The following KMT2C variants were observed in gnomAD, a reference collection of about 807,000 sequenced individuals.
The protein encoded by KMT2C is histone-lysine N-methyltransferase 2C.
KMT2C carries 88 observed loss-of-function variants against 507.9 expected under a neutral mutation model. The observed-to-expected ratio is 0.17, with a 90% confidence interval of 0.15 to 0.21. KMT2C has a LOEUF of 0.21. Ranked by LOEUF, KMT2C falls within the 10% of genes least tolerant of loss-of-function variation. The pLI is 1.00. For synonymous variants in KMT2C, 2,049 were observed against 2,080.8 expected (o/e 0.98, Z 0.42); for missense variants, 4,954 against 5,957.8 (o/e 0.83, Z 5.55).
intron 6 of KMT2C, among the ~76,000 whole-genome samples, chr7:152,274,967 A>T (rs546423607): frequency 8.3e-4 from 126 of 152,298 alleles, no homozygotes; most frequent in African/African-American, 2.8e-3. Context: ...TGTGGCTCAT[A>T]AACAGCTTAG....
chr7:152,370,189 G>A (rs1310850467), intron 1 of KMT2C, among the ~76,000 whole-genome samples: 1 of 149,164 alleles, frequency 6.7e-6, no homozygotes, highest in Non-Finnish European at 1.5e-5. Flanking sequence ...GGGAGACTCC[G>A]TCTCAAAAAA....
intron 1 of KMT2C, among the ~76,000 whole-genome samples, chr7:152,409,734 A>T (rs201880687): frequency 1.7e-4 from 25 of 149,156 alleles, no homozygotes; most frequent in African/African-American, 6.2e-4. Flanking sequence ...CCGTCTCAAA[A>T]AAAATAAAAT....
At chr7:152,203,421 G>C (rs1173699668) in intron 25 of KMT2C, among the ~76,000 whole-genome samples, 1 of 151,996 alleles carries the variant, frequency 6.6e-6, no homozygotes, top group Non-Finnish European at 1.5e-5. Context: ...AATTCTGTGG[G>C]TGTAACTTTT....
chr7:152,246,222 T>C lies in KMT2C; in HGVS notation c.2532+1680A>G, dbSNP rs536944892. Among the ~76,000 whole-genome samples the C allele has an allele frequency of 7.7e-3, 1,173 of 152,264 alleles. 10 individuals carry two copies. The highest frequency in any genetic ancestry group is 0.027 in the African/African-American group (1,130 of 41,556). On this transcript the variant is annotated intron_variant, in intron 14 of 58. Coordinates refer to ENST00000262189, the MANE Select transcript of KMT2C (RefSeq NM_170606.3). Reference sequence around the variant, plus strand: ...CAGGTTCATCATCAAGTGAAGGCTGTTTGCTAGATAACTAAAACCAAGATT... The same window carrying C: ...CAGGTTCATCATCAAGTGAAGGCTGCTTGCTAGATAACTAAAACCAAGATT...
At chr7:152,175,390 A>G (rs779048335) in intron 38 of KMT2C, among the ~76,000 whole-genome samples, 24 of 151,884 alleles carry the variant, frequency 1.6e-4, no homozygotes, top group Non-Finnish European at 2.2e-4. Flanking sequence ...ACATAGGTAT[A>G]CATATGTCAT....
chr7:152,295,904 A>G lies in KMT2C; in HGVS notation c.849+14062T>C, dbSNP rs2096488840. On this transcript the variant is annotated intron_variant, in intron 6 of 58. Coordinates refer to ENST00000262189, the MANE Select transcript of KMT2C (RefSeq NM_170606.3). ...ACACGGTGAAACCCCGTCTCTACTA[A>G]AAATACAAAAAAAATTAGCCGGGCA... Among the ~76,000 whole-genome samples the G allele has an allele frequency of 4.0e-5, 6 of 151,336 alleles. No homozygotes were observed. The South Asian group carries it at 1.2e-3, about 31-fold the overall frequency.
intron 6 of KMT2C, among the ~76,000 whole-genome samples, chr7:152,293,134 A>G (rs939561795): frequency 2.0e-5 from 3 of 152,176 alleles, no homozygotes; most frequent in Admixed American, 6.5e-5. Context: ...AAATACACAA[A>G]GAATAAAACA....
At chr7:152,426,745 C>T (rs1392200225) in intron 1 of KMT2C, among the ~76,000 whole-genome samples, 2 of 152,102 alleles carry the variant, frequency 1.3e-5, no homozygotes, top group Non-Finnish European at 2.9e-5. Flanking sequence ...TCATAACAAT[C>T]CTAAATTAGG....
intron 3 of KMT2C, among the ~76,000 whole-genome samples, chr7:152,325,440 A>C (rs1487667141): frequency 6.9e-6 from 1 of 145,696 alleles, no homozygotes; most frequent in Admixed American, 6.9e-5. Flanking sequence ...GAGCCACCGC[A>C]CCCGGCCCCT....
chr7:152,369,337 AC>A (rs1396299774), intron 1 of KMT2C, among the ~76,000 whole-genome samples: 16 of 151,822 alleles, frequency 1.1e-4, no homozygotes, highest in African/African-American at 3.4e-4. Context: ...AAAAACAAAA[AC>A]AAAAAAAAAA....
chr7:152,257,818 C>T (rs1273234201), intron 9 of KMT2C, among the ~76,000 whole-genome samples: 4 of 151,964 alleles, frequency 2.6e-5, no homozygotes, highest in Non-Finnish European at 5.9e-5. Context: ...TTGGGCCACA[C>T]ACAAGATACA....
At chr7:152,226,284 G>A (rs1339254985) in intron 18 of KMT2C, among the ~76,000 whole-genome samples, 1 of 138,272 alleles carries the variant, frequency 7.2e-6, no homozygotes, top group Non-Finnish European at 1.5e-5. Flanking sequence ...CTAGGCTGGA[G>A]TGCAGTGGTG....
intron 5 of KMT2C, 28 bp downstream of exon 5, chr7:152,311,770 G>T (rs2129200350): frequency 6.6e-7 from 1 of 1,508,172 alleles, no homozygotes; most frequent in South Asian, 1.3e-5. Flanking sequence ...GAATTAAGAG[G>T]CAGTCATTAT....
At chr7:152,364,938 C>CAGACAG (rs1564001580) in intron 1 of KMT2C, among the ~76,000 whole-genome samples, 1 of 125,892 alleles carries the variant, frequency 7.9e-6, no homozygotes, top group African/African-American at 3.2e-5. Context: ...CAGACAGACA[C>CAGACAG]ACACACACAC....
intron 1 of KMT2C, among the ~76,000 whole-genome samples, chr7:152,415,810 G>T (rs76633813): frequency 7.5e-6 from 1 of 133,074 alleles, no homozygotes; most frequent in African/African-American, 2.7e-5. Flanking sequence ...AACCTGGGAC[G>T]CGAAGGTTGC....
At chr7:152,211,830 C>T (rs1247953346) in intron 23 of KMT2C, among the ~76,000 whole-genome samples, 2 of 151,594 alleles carry the variant, frequency 1.3e-5, no homozygotes, top group African/African-American at 4.9e-5. Flanking sequence ...GGGCGGATCA[C>T]GAGGTCAGGA....
intron 9 of KMT2C, among the ~76,000 whole-genome samples, chr7:152,255,190 A>G (rs1469700530): frequency 3.5e-5 from 5 of 142,340 alleles, no homozygotes; most frequent in African/African-American, 1.3e-4. Context: ...TTTTGGAAAC[A>G]GGGTCTTGCT....
At chr7:152,290,258 G>GTGTGTGTGTA (rs1337492088) in intron 6 of KMT2C, among the ~76,000 whole-genome samples, 6 of 26,262 alleles carry the variant, frequency 2.3e-4, no homozygotes, top group African/African-American at 7.0e-4. Flanking sequence ...GTGTGTATGT[G>GTGTGTGTGTA]TATATATATA....
chr7:152,307,278 AAAGGAAGGAAGGAAGGAAGG>A (rs35363127), intron 6 of KMT2C, among the ~76,000 whole-genome samples: 2 of 107,390 alleles, frequency 1.9e-5, no homozygotes, highest in Non-Finnish European at 3.7e-5. Flanking sequence ...AGGAAGAAAG[AAAGGAAGGAAGGAAGGAAGG>A]AAGGAAGGAA....
Sources: allele counts gnomAD v4.1 joint callset (sites outside exome capture counted in the v4.1 genomes callset), GRCh38; gene constraint gnomAD v4.1.1; transcripts MANE v1.5; gene names NCBI Gene and HGNC (gene_info 2026-07-23, HGNC 2026-07-21).